ASTN1: variants seen among roughly 807,000 people sequenced by gnomAD.
ASTN1 encodes the protein astrotactin 1, also known as astrotactin-1.
Under a neutral mutation model 140.7 loss-of-function variants are expected in ASTN1, and 41 were observed. The ratio of observed to expected loss-of-function variants is 0.29; its 90% confidence interval spans 0.23 to 0.38. The LOEUF (loss-of-function observed/expected upper bound fraction) is 0.38. Ranked by LOEUF, ASTN1 falls within the 10% of genes least tolerant of loss-of-function variation. ASTN1 has a pLI of 1.00. For missense variants in ASTN1, 1,479 were observed against 1,678.8 expected (o/e 0.88, Z 2.08); for synonymous variants, 640 against 652.2 (o/e 0.98, Z 0.29).
chr1:177,137,917 A>ACCCTATTC (rs2102217140), intron 1 of ASTN1, among the ~76,000 whole-genome samples: 1 of 152,352 alleles, frequency 6.6e-6, no homozygotes, highest in East Asian at 1.9e-4. Flanking sequence ...ATAGAAAATG[A>ACCCTATTC]TGAGAATAGG....
At chr1:176,859,672 T>A (rs527798014), downstream of ASTN1, among the ~76,000 whole-genome samples, 1 of 152,056 alleles carries the variant, frequency 6.6e-6, no homozygotes, top group African/African-American at 2.4e-5. Context: ...TAAACCCAGA[T>A]ACTTGGGAGG....
At chr1:177,090,641 GCTGACTCTC>G (rs1298843797) in intron 1 of ASTN1, among the ~76,000 whole-genome samples, 4 of 152,122 alleles carry the variant, frequency 2.6e-5, no homozygotes, top group Non-Finnish European at 4.4e-5. Flanking sequence ...ACATAGCTCA[GCTGACTCTC>G]CACATTTGGA....
rs150457018 is a variant in ASTN1 at position 176,884,415 on chromosome 1, G to A, written c.3150C>T (p.Ile1050=). The change falls in exon 19 of 23, where the codon ATC becomes ATT. Residue 1050 remains isoleucine (I), a synonymous_variant. Transcript: ENST00000361833. ...GGAGGTAATCTACAATCTGCACCCC[G>A]ATTGGTGGCTCTGAGTGTTCCCACT... is the stretch of plus-strand genomic sequence containing the variant. The part of the protein sequence containing the change: ...VLEWEHSEPP[I]GVQIVDYLLR... 47 of 1,614,038 alleles carry A rather than the reference G, an allele frequency of 2.9e-5. No homozygotes were observed. Among genetic ancestry groups the A allele is most frequent in the African/African-American group, 2.7e-4 (20 of 74,920 alleles).
At chr1:176,933,855 A>AG (rs1671318361) in intron 16 of ASTN1, among the ~76,000 whole-genome samples, 1 of 152,152 alleles carries the variant, frequency 6.6e-6, no homozygotes, top group Non-Finnish European at 1.5e-5. Context: ...TGTCCTCCCT[A>AG]GGGTAGCAAA....
intron 2 of ASTN1, among the ~76,000 whole-genome samples, chr1:177,044,821 C>T (rs1469988103): frequency 6.6e-6 from 1 of 152,188 alleles, no homozygotes; most frequent in East Asian, 1.9e-4. Flanking sequence ...TCTGCAACAT[C>T]ATTATAAATT....
chr1:177,041,121 G>A (rs1347322628), intron 2 of ASTN1, among the ~76,000 whole-genome samples: 1 of 152,166 alleles, frequency 6.6e-6, no homozygotes, highest in Non-Finnish European at 1.5e-5. Context: ...CAGAGAAGCA[G>A]CTCATCAAGG....
Position 177,014,800 on chromosome 1 carries a change from G to C in ASTN1, c.1514C>G (p.Thr505Arg), listed in dbSNP as rs141093264. Reference sequence around the variant, plus strand: ...TCATGCCCTCACTTACCCCTGGTTTGTCCCCCATTCGTTCCGAATGCAAAG... The same window carrying C: ...TCATGCCCTCACTTACCCCTGGTTTCTCCCCCATTCGTTCCGAATGCAAAG... ...KHLCIRNEWG[T>R]NQGPWPYTIF... The change falls in exon 8 of 23, where the codon ACA becomes AGA. Residue 505 changes from threonine to arginine, a missense_variant. Coordinates refer to ENST00000361833, the MANE Select transcript of ASTN1 (RefSeq NM_004319.3). The C allele has an allele frequency of 8.4e-5, 135 of 1,613,324 alleles. No homozygotes were observed. The highest frequency in any genetic ancestry group is 1.1e-4 in the Non-Finnish European group (128 of 1,179,506).
intron 8 of ASTN1, among the ~76,000 whole-genome samples, chr1:176,997,737 T>C (rs1674520157): frequency 6.6e-6 from 1 of 152,006 alleles, no homozygotes; most frequent in Non-Finnish European, 1.5e-5. Context: ...GGGATAGAAA[T>C]AAGACAAGGC....
chr1:177,036,442 A>C (rs1037773843), intron 2 of ASTN1, among the ~76,000 whole-genome samples: 5 of 152,160 alleles, frequency 3.3e-5, no homozygotes, highest in African/African-American at 7.2e-5. Flanking sequence ...CAGGTACTCA[A>C]GTTGTGGTAT....
intron 1 of ASTN1, among the ~76,000 whole-genome samples, chr1:177,090,632 C>T (rs1679704019): frequency 6.6e-6 from 1 of 152,176 alleles, no homozygotes; most frequent in South Asian, 2.1e-4. Context: ...CTTGTGCTAA[C>T]ATAGCTCAGC....
intron 1 of ASTN1, among the ~76,000 whole-genome samples, chr1:177,127,502 C>T (rs1171679464): frequency 2.6e-5 from 4 of 152,182 alleles, no homozygotes; most frequent in African/African-American, 7.2e-5. Flanking sequence ...TCACCCACCA[C>T]GTCCATTGGG....
In ASTN1 at chr1:176,862,669, T is replaced by C; in HGVS notation, c.*1615A>G. 1.1e-6 allele frequency: 1 copy of C among 917,298 alleles called. No individual in the cohort carries two copies. Among genetic ancestry groups the C allele is most frequent in the South Asian group, 5.0e-5 (1 of 19,910 alleles). The allele number at this position is 917,298 out of a possible 1,614,324, so 56.8% of individuals were successfully genotyped here. A position where few individuals can be genotyped will look rare whatever the true frequency, so the allele number is the denominator to read the frequency against. On this transcript the variant is annotated 3_prime_UTR_variant, in exon 23 of 23. Coordinates refer to ENST00000361833, the MANE Select transcript of ASTN1 (RefSeq NM_004319.3). Reference sequence around the variant, plus strand: ...CAGTGCACAAGGGATTTGAGGCAAGTTGTATAACCTCTCTTTGCCTCGTTT... The same window carrying C: ...CAGTGCACAAGGGATTTGAGGCAAGCTGTATAACCTCTCTTTGCCTCGTTT...
At chr1:176,962,427 A>G (rs535351873) in intron 9 of ASTN1, among the ~76,000 whole-genome samples, 6 of 152,340 alleles carry the variant, frequency 3.9e-5, no homozygotes, top group South Asian at 2.1e-4. Flanking sequence ...GATTATCTAC[A>G]TATATCTATT....
intron 1 of ASTN1, among the ~76,000 whole-genome samples, chr1:177,160,781 C>T (rs930006041): frequency 3.9e-5 from 6 of 152,114 alleles, no homozygotes; most frequent in African/African-American, 1.4e-4. Context: ...GCTCATGTGC[C>T]TAAATATTTT....
At chr1:177,034,711 C>G (rs1676627215) in intron 2 of ASTN1, among the ~76,000 whole-genome samples, 1 of 152,070 alleles carries the variant, frequency 6.6e-6, no homozygotes, top group Non-Finnish European at 1.5e-5. Context: ...TTAGCAGAAC[C>G]TGTATCTCAG....
chr1:177,080,283 C>T (rs983833423), intron 1 of ASTN1, among the ~76,000 whole-genome samples: 5 of 138,872 alleles, frequency 3.6e-5, no homozygotes, highest in African/African-American at 7.9e-5. Flanking sequence ...AAAAAAAAAC[C>T]GGTATCACAC....
chr1:177,039,984 T>C (rs1676895900), intron 2 of ASTN1, among the ~76,000 whole-genome samples: 1 of 152,172 alleles, frequency 6.6e-6, no homozygotes, highest in Non-Finnish European at 1.5e-5. Context: ...CTGAAATGAG[T>C]GGATGTCATG....
chr1:177,133,532 T>C (rs1193221669), intron 1 of ASTN1, among the ~76,000 whole-genome samples: 5 of 152,116 alleles, frequency 3.3e-5, no homozygotes, highest in Non-Finnish European at 7.4e-5. Context: ...TAGACCAAGA[T>C]GGTAAAAGCA....
intron 1 of ASTN1, among the ~76,000 whole-genome samples, chr1:177,134,156 G>C (rs1171881173): frequency 6.6e-6 from 1 of 152,156 alleles, no homozygotes; most frequent in African/African-American, 2.4e-5. Context: ...CTTCCAAGGA[G>C]CACTGAGATC....
Sources: allele counts gnomAD v4.1 joint callset (sites outside exome capture counted in the v4.1 genomes callset), GRCh38; gene constraint gnomAD v4.1.1; transcripts MANE v1.5; gene names NCBI Gene and HGNC (gene_info 2026-07-23, HGNC 2026-07-21).